The following KLF13 variants were observed in gnomAD, a reference collection of about 807,000 sequenced individuals.
KLF13 encodes the protein Krueppel-like factor 13.
In KLF13, 8 loss-of-function variants were observed where a neutral mutation model predicts 16.7. That is an observed-to-expected ratio of 0.48 (90% CI 0.28 to 0.87). The LOEUF (loss-of-function observed/expected upper bound fraction) is 0.87, where lower values mean the gene tolerates loss of function less well. KLF13 is among the 40% of genes least tolerant of loss of function. The probability of loss-of-function intolerance (pLI) is 0.10; values close to 1 mark genes in which losing one functional copy is unlikely to be tolerated. For synonymous variants in KLF13, 245 were observed against 208.4 expected, an observed-to-expected ratio of 1.18 and a Z score of -1.51; for missense variants, 447 against 452.2, an observed-to-expected ratio of 0.99 and a Z score of 0.10.
At chr15:31,417,216 G>T (rs57222165) in intron 1 of KLF13, among the ~76,000 whole-genome samples, 1 of 151,992 alleles carries the variant, frequency 6.6e-6, no homozygotes, top group African/African-American at 2.4e-5. Context: ...TATCTAGGCC[G>T]GGCACAGTGG....
intron 1 of KLF13, among the ~76,000 whole-genome samples, chr15:31,353,233 C>T (rs576566781): frequency 2.0e-5 from 3 of 152,206 alleles, no homozygotes; most frequent in Non-Finnish European, 4.4e-5. Context: ...CCCTGGTCAT[C>T]CAGTAGTTAC....
chr15:31,352,317 G>A (rs772462705), intron 1 of KLF13, among the ~76,000 whole-genome samples: 9 of 152,212 alleles, frequency 5.9e-5, no homozygotes, highest in Non-Finnish European at 8.8e-5. Context: ...TGCAGGCCAC[G>A]CTCAGGGGTT....
intron 1 of KLF13, among the ~76,000 whole-genome samples, chr15:31,369,505 A>G (rs1353323937): frequency 6.6e-6 from 1 of 152,198 alleles, no homozygotes; most frequent in Non-Finnish European, 1.5e-5. Context: ...ATTTTTTTGT[A>G]TGTCTTTTAT....
In KLF13 at chr15:31,363,491, T is replaced by C. The variant is rs575431056; in HGVS notation, c.578-8519T>C. 5.3e-5 allele frequency among the ~76,000 whole-genome samples: 8 copies of C among 152,168 alleles called. No individual in the cohort carries two copies. The East Asian group carries it at 1.5e-3, about 29-fold the overall frequency. ...ATACTGTTTTGTGCAGTCAAATAGATTGATTGATTGATTGAGACTGAGTCT... is the reference window on the plus strand; with the variant it reads ...ATACTGTTTTGTGCAGTCAAATAGACTGATTGATTGATTGAGACTGAGTCT... On this transcript the variant is annotated intron_variant, in intron 1 of 1. Transcript: ENST00000307145.
At chr15:31,337,528 G>C (rs1321142722) in intron 1 of KLF13, among the ~76,000 whole-genome samples, 1 of 152,150 alleles carries the variant, frequency 6.6e-6, no homozygotes, top group Admixed American at 6.5e-5. Context: ...TGTGTTGTTA[G>C]GCAGTTTCGT....
chr15:31,343,249 C>G (rs531239976), intron 1 of KLF13, among the ~76,000 whole-genome samples: 36 of 152,350 alleles, frequency 2.4e-4, no homozygotes, highest in Admixed American at 1.1e-3. Flanking sequence ...AGACACCATC[C>G]TGGGAGAAAC....
chr15:31,428,580 G>A (rs1456607390), intron 1 of KLF13, among the ~76,000 whole-genome samples: 1 of 151,960 alleles, frequency 6.6e-6, no homozygotes, highest in Non-Finnish European at 1.5e-5. Context: ...TCCGAGGCGG[G>A]CAGATCACAA....
Position 31,327,093 on chromosome 15 carries a change from C to A in KLF13, c.-120C>A. 3 of 920,094 alleles carry A rather than the reference C, an allele frequency of 3.3e-6. No homozygotes were observed. Among genetic ancestry groups the A allele is most frequent in the Non-Finnish European group, 4.1e-6 (3 of 733,582 alleles). The allele number at this position is 920,094 out of a possible 1,614,324, so 57.0% of individuals were successfully genotyped here. On this transcript the variant is annotated 5_prime_UTR_variant, in exon 1 of 2. Coordinates refer to ENST00000307145, the MANE Select transcript of KLF13 (RefSeq NM_015995.4). ...GGCTGCGCGCCCAGCCCAGCCCAGC[C>A]CAGCCCGAGGAGAGGGCGCGCCGCG...
Position 31,372,583 on chromosome 15 carries a change from A to C in KLF13, c.*284A>C. 2.2e-6 allele frequency: 1 copy of C among 450,170 alleles called. No homozygotes were observed. Among genetic ancestry groups the C allele is most frequent in the Non-Finnish European group, 3.9e-6 (1 of 257,020 alleles). The allele number at this position is 450,170 out of a possible 1,614,324, so 27.9% of individuals were successfully genotyped here. ...CACGTTTCACGAGGTCAGTGAGGAC[A>C]CCCCTTCCTGCCGCCTTACTCTGTA... On this transcript the variant is annotated 3_prime_UTR_variant, in exon 2 of 2. Coordinates refer to ENST00000307145, the MANE Select transcript of KLF13 (RefSeq NM_015995.4).
chr15:31,365,331 C>T (rs1595475135), intron 1 of KLF13, among the ~76,000 whole-genome samples: 1 of 152,332 alleles, frequency 6.6e-6, no homozygotes, highest in East Asian at 1.9e-4. Context: ...CAAGACATCC[C>T]TGTGAGGGTG....
intron 1 of KLF13, chr15:31,420,052 G>A (rs927131013): frequency 3.0e-4 from 101 of 335,154 alleles, no homozygotes; most frequent in Non-Finnish European, 1.3e-4. Flanking sequence ...AGTGCTGGAA[G>A]AAAAAAACCT....
intron 1 of KLF13, among the ~76,000 whole-genome samples, chr15:31,364,523 T>A (rs2039435362): frequency 6.6e-6 from 1 of 152,250 alleles, no homozygotes; most frequent in African/African-American, 2.4e-5. Flanking sequence ...GGCCCATAGG[T>A]GATAACATTG....
rs142949842 is a variant in KLF13, at chr15:31,342,390, G to T, written c.577+14601G>T. ...CCAGGGACGCAGTGCCCTGCTGGGT[G>T]CCCCGCCTTCCCTCCTGAGACCCAG... On this transcript the variant is annotated intron_variant, in intron 1 of 1. Transcript: ENST00000307145. Among the ~76,000 whole-genome samples, 268 of 152,338 alleles carry T rather than the reference G, an allele frequency of 1.8e-3. 2 individuals carry two copies. The highest frequency in any genetic ancestry group is 5.7e-3 in the African/African-American group (238 of 41,578).
intron 1 of KLF13, among the ~76,000 whole-genome samples, chr15:31,333,495 TC>T (rs2038870422): frequency 6.6e-6 from 1 of 152,174 alleles, no homozygotes; most frequent in African/African-American, 2.4e-5. Flanking sequence ...TAGTGAACAC[TC>T]CTATACTCTT....
Position 31,372,604 on chromosome 15 carries a change from C to A in KLF13, c.*305C>A. Reference sequence around the variant, plus strand: ...GGACACCCCTTCCTGCCGCCTTACTCTGTACATAGATTTGCACTCTGGAGT... The same window carrying A: ...GGACACCCCTTCCTGCCGCCTTACTATGTACATAGATTTGCACTCTGGAGT... On this transcript the variant is annotated 3_prime_UTR_variant, in exon 2 of 2. Coordinates refer to ENST00000307145, the MANE Select transcript of KLF13 (RefSeq NM_015995.4). The A allele has an allele frequency of 2.5e-6, 1 of 406,948 alleles. No individual in the cohort carries two copies. The highest frequency in any genetic ancestry group is 4.4e-6 in the Non-Finnish European group (1 of 229,646). The allele number at this position is 406,948 out of a possible 1,614,324, so 25.2% of individuals were successfully genotyped here. A position where few individuals can be genotyped will look rare whatever the true frequency, so the allele number is the denominator to read the frequency against.
At chr15:31,369,657 G>GTT (rs2039527321) in intron 1 of KLF13, among the ~76,000 whole-genome samples, 1 of 152,108 alleles carries the variant, frequency 6.6e-6, no homozygotes, top group African/African-American at 2.4e-5. Context: ...ATTTTCCCCC[G>GTT]TGAGTCTTGG....
chr15:31,357,890 T>C (rs2039325088), intron 1 of KLF13, among the ~76,000 whole-genome samples: 1 of 152,202 alleles, frequency 6.6e-6, no homozygotes, highest in South Asian at 2.1e-4. Flanking sequence ...GTCTTTCTAA[T>C]TTCTTGCTTC....
chr15:31,412,218 G>A (rs983749815), intron 1 of KLF13, among the ~76,000 whole-genome samples: 12 of 152,144 alleles, frequency 7.9e-5, no homozygotes, highest in African/African-American at 1.9e-4. Context: ...TTGAAAAAAA[G>A]GAGCTTTTGC....
At chr15:31,345,007 G>A (rs2039089219) in intron 1 of KLF13, among the ~76,000 whole-genome samples, 1 of 152,222 alleles carries the variant, frequency 6.6e-6, no homozygotes. Context: ...GCAGTTTGGG[G>A]CAGGTGCCTT....
Sources: allele counts gnomAD v4.1 joint callset (sites outside exome capture counted in the v4.1 genomes callset), GRCh38; gene constraint gnomAD v4.1.1; transcripts MANE v1.5; gene names NCBI Gene and HGNC (gene_info 2026-07-23, HGNC 2026-07-21).